The following FAF1 variants were observed in gnomAD, a reference collection of about 807,000 sequenced individuals.
FAF1 encodes the protein FAS-associated factor 1.
A neutral mutation model predicts 92.5 loss-of-function variants in FAF1; 25 were observed. The ratio of observed to expected loss-of-function variants is 0.27; its 90% CI spans 0.20 to 0.38. The LOEUF is 0.38. FAF1 is among the 10% of genes least tolerant of loss of function. The pLI is 1.00. For synonymous variants in FAF1, 234 were observed against 273.2 expected (o/e 0.86, Z 1.42); for missense variants, 636 against 793.3 (o/e 0.80, Z 2.38).
At chr1:50,442,152 G>C (rs578218699) in intron 18 of FAF1, among the ~76,000 whole-genome samples, 1 of 152,122 alleles carries the variant, frequency 6.6e-6, no homozygotes, top group Non-Finnish European at 1.5e-5. Flanking sequence ...TCTTGGCTGA[G>C]TGGGATACGT....
chr1:50,663,707 G>C (rs1241212361), intron 7 of FAF1, among the ~76,000 whole-genome samples: 1 of 151,448 alleles, frequency 6.6e-6, no homozygotes, highest in Admixed American at 6.6e-5. Flanking sequence ...CCGGCCAGAA[G>C]CACCGCTTTA....
At chr1:50,921,226 G>C (rs371302373) in intron 1 of FAF1, among the ~76,000 whole-genome samples, 3 of 152,200 alleles carry the variant, frequency 2.0e-5, no homozygotes, top group Admixed American at 6.5e-5. Context: ...CCTAGGGACC[G>C]ACCTGCCCCA....
intron 4 of FAF1, among the ~76,000 whole-genome samples, chr1:50,746,598 G>A (rs555246320): frequency 1.3e-4 from 20 of 151,716 alleles, no homozygotes; most frequent in African/African-American, 2.9e-4. Context: ...CACCGAGCCC[G>A]GCCAATGAAT....
intron 18 of FAF1, among the ~76,000 whole-genome samples, chr1:50,450,482 G>A (rs773968070): frequency 4.6e-5 from 7 of 152,090 alleles, no homozygotes; most frequent in African/African-American, 7.2e-5. Context: ...ACTTCTAAAC[G>A]GAGGACAGTT....
intron 7 of FAF1, among the ~76,000 whole-genome samples, chr1:50,673,014 T>C (rs184203520): frequency 1.6e-3 from 237 of 152,172 alleles, no homozygotes; most frequent in Non-Finnish European, 2.4e-3. Flanking sequence ...TCCCAGCACA[T>C]TGGGAGGCTG....
intron 18 of FAF1, among the ~76,000 whole-genome samples, chr1:50,462,580 G>A (rs563409828): frequency 4.9e-4 from 75 of 152,328 alleles, no homozygotes; most frequent in South Asian, 8.3e-4. Context: ...CCTAGGCAGT[G>A]TGGGAAAGTG....
intron 1 of FAF1, among the ~76,000 whole-genome samples, chr1:50,946,955 T>C (rs1290381899): frequency 6.6e-6 from 1 of 151,982 alleles, no homozygotes; most frequent in African/African-American, 2.4e-5. Context: ...TTTGGAAAGA[T>C]GGAAAAAAAG....
In FAF1 at chr1:50,703,013, AT is replaced by A. The variant is rs199503282; in HGVS notation, c.657+2772del. 4.4e-3 allele frequency among the ~76,000 whole-genome samples: 671 copies of A among 150,912 alleles called. 6 individuals are homozygous for A. The highest frequency in any genetic ancestry group is 0.015 in the African/African-American group (599 of 40,968). ...GCAAGGCTTTCAAAAATTAAAAAAA[AT>A]ATATATATAAAATACACTAAAAAAA... On this transcript the variant is annotated intron_variant, in intron 7 of 18. Transcript: ENST00000396153.
At chr1:50,873,606 C>T (rs1644546414) in intron 1 of FAF1, among the ~76,000 whole-genome samples, 3 of 152,336 alleles carry the variant, frequency 2.0e-5, no homozygotes, top group South Asian at 4.1e-4. Context: ...GATACTCCGA[C>T]CAACACCATG....
chr1:50,902,067 G>C (rs971960800), intron 1 of FAF1, among the ~76,000 whole-genome samples: 3 of 152,106 alleles, frequency 2.0e-5, no homozygotes, highest in African/African-American at 7.2e-5. Context: ...TTTTGTTATT[G>C]CATCACTCTC....
intron 2 of FAF1, among the ~76,000 whole-genome samples, chr1:50,847,686 A>G (rs561552605): frequency 6.6e-6 from 1 of 152,300 alleles, no homozygotes; most frequent in African/African-American, 2.4e-5. Flanking sequence ...AATTTTCAAA[A>G]CCAACTAGAG....
At chr1:50,656,986 G>A (rs1474609014) in intron 7 of FAF1, among the ~76,000 whole-genome samples, 1 of 152,004 alleles carries the variant, frequency 6.6e-6, no homozygotes, top group Non-Finnish European at 1.5e-5. Context: ...CAAGGTACAA[G>A]GATCACTTGA....
chr1:50,954,375 T>C (rs1017011676), intron 1 of FAF1, among the ~76,000 whole-genome samples: 2 of 151,898 alleles, frequency 1.3e-5, no homozygotes, highest in Non-Finnish European at 2.9e-5. Flanking sequence ...GAAAAATAAA[T>C]AGAAAAACAG....
intron 2 of FAF1, among the ~76,000 whole-genome samples, chr1:50,827,917 T>C (rs1644117055): frequency 6.6e-6 from 1 of 152,134 alleles, no homozygotes; most frequent in Admixed American, 6.5e-5. Context: ...ATACTGTAAA[T>C]ATGTTAATTC....
At chr1:50,612,356 T>C in intron 8 of FAF1, 1 of 1,246,974 alleles carries the variant, frequency 8.0e-7, no homozygotes, top group African/African-American at 1.6e-5. Flanking sequence ...CATTTTATTA[T>C]AAGTTTGATA....
chr1:50,530,791 A>G (rs1349274279), intron 15 of FAF1, among the ~76,000 whole-genome samples: 1 of 152,172 alleles, frequency 6.6e-6, no homozygotes, highest in Non-Finnish European at 1.5e-5. Context: ...AATGAAACAA[A>G]CAACCAACAA....
At chr1:50,857,376 C>T (rs1000546431) in intron 2 of FAF1, among the ~76,000 whole-genome samples, 1 of 151,682 alleles carries the variant, frequency 6.6e-6, no homozygotes, top group South Asian at 2.1e-4. Flanking sequence ...ACCAATACTG[C>T]TCCAATGCCA....
chr1:50,951,963 C>G (rs1027535852), intron 1 of FAF1, among the ~76,000 whole-genome samples: 2 of 152,198 alleles, frequency 1.3e-5, no homozygotes, highest in African/African-American at 4.8e-5. Flanking sequence ...ACAGAAACTA[C>G]TTATGTGTCA....
At chr1:50,758,750 T>C (rs1025631340) in intron 4 of FAF1, among the ~76,000 whole-genome samples, 1 of 152,234 alleles carries the variant, frequency 6.6e-6, no homozygotes, top group African/African-American at 2.4e-5. Flanking sequence ...TTGTTCAATA[T>C]AGCATTCTAG....
Sources: allele counts gnomAD v4.1 joint callset (sites outside exome capture counted in the v4.1 genomes callset), GRCh38; gene constraint gnomAD v4.1.1; transcripts MANE v1.5; gene names NCBI Gene and HGNC (gene_info 2026-07-23, HGNC 2026-07-21).